Variants in BPIFB3 observed in about 807,000 individuals in gnomAD.
BPIFB3 encodes the protein BPI fold-containing family B member 3.
BPIFB3 carries 49 observed loss-of-function variants against 53.1 expected under a neutral mutation model. The ratio of observed to expected loss-of-function variants is 0.92; its 90% CI spans 0.73 to 1.17. The LOEUF (loss-of-function observed/expected upper bound fraction) is 1.17, where lower values mean the gene tolerates loss of function less well. Ranked by LOEUF, BPIFB3 falls within the 50% of genes most tolerant of loss-of-function variation. The probability of loss-of-function intolerance (pLI) is 0.00; values close to 1 mark genes in which losing one functional copy is unlikely to be tolerated. For synonymous variants in BPIFB3, 271 were observed against 269.6 expected (o/e 1.01, Z -0.05); for missense variants, 628 against 592.5 (o/e 1.06, Z -0.62).
intron 1 of BPIFB3, 132 bp downstream of exon 2, chr20:33,055,679 C>T (rs1254009423): frequency 2.2e-6 from 3 of 1,337,658 alleles, no homozygotes; most frequent in African/African-American, 1.4e-5. Context: ...AGCACATTCT[C>T]CTGGGAGTAG....
chr20:33,073,763 C>T (rs766501975), downstream of BPIFB3: 19 of 787,762 alleles, frequency 2.4e-5, no homozygotes, highest in Non-Finnish European at 3.9e-5. Context: ...AACTGCCTGG[C>T]TAATCATAGA....
Position 33,070,349 on chromosome 20 carries a change from A to G in BPIFB3, c.1217+394A>G, listed in dbSNP as rs1331460001. Reference sequence around the variant, plus strand: ...TGGACTTGTTACTTGTTACTTCTCTATTCTCCTCACCCCTGTGGTAACTAG... The same window carrying G: ...TGGACTTGTTACTTGTTACTTCTCTGTTCTCCTCACCCCTGTGGTAACTAG... On this transcript the variant is annotated intron_variant, in intron 11 of 14. Transcript: ENST00000375494. Among the ~76,000 whole-genome samples, 4 of 152,210 alleles carry G rather than the reference A, an allele frequency of 2.6e-5. No individual in the cohort carries two copies. In the East Asian group the frequency reaches 5.8e-4, roughly 22 times the overall value.
intron 2 of BPIFB3, among the ~76,000 whole-genome samples, chr20:33,059,090 C>G (rs114739062): frequency 2.9e-3 from 438 of 152,216 alleles, no homozygotes; most frequent in African/African-American, 0.01. Flanking sequence ...ATTCCTTGAG[C>G]CTCTAGCGGT....
intron 5 of BPIFB3, among the ~76,000 whole-genome samples, chr20:33,063,365 C>A (rs921605214): frequency 2.0e-5 from 3 of 152,260 alleles, no homozygotes; most frequent in South Asian, 2.1e-4. Context: ...CCCCAGCCAC[C>A]TTTAGGGGTT....
At chr20:33,055,617 C>T in intron 1 of BPIFB3, 70 bp downstream of exon 2, 3 of 1,600,222 alleles carry the variant, frequency 1.9e-6, no homozygotes, top group Non-Finnish European at 2.6e-6. Context: ...ATGCTTAGAG[C>T]ATCTGCTTTA....
At chr20:33,063,886 TTCTC>T (rs1980554255) in intron 6 of BPIFB3, among the ~76,000 whole-genome samples, 1 of 152,174 alleles carries the variant, frequency 6.6e-6, no homozygotes, top group African/African-American at 2.4e-5. Context: ...GAACCATCAG[TTCTC>T]TCTATGTTGG....
intron 6 of BPIFB3, among the ~76,000 whole-genome samples, chr20:33,064,226 G>A (rs1980571061): frequency 6.6e-6 from 1 of 152,178 alleles, no homozygotes. Flanking sequence ...CATCAACTCT[G>A]GAAAACAGGA....
At chr20:33,066,466 G>A (rs1980674810) in intron 8 of BPIFB3, among the ~76,000 whole-genome samples, 1 of 152,216 alleles carries the variant, frequency 6.6e-6, no homozygotes, top group African/African-American at 2.4e-5. Context: ...AGAGTAAAAG[G>A]TTTTGAAGTT....
chr20:33,073,676 C>T (rs1239638748), downstream of BPIFB3: 3 of 1,556,990 alleles, frequency 1.9e-6, no homozygotes, highest in African/African-American at 4.1e-5. Context: ...CTCAATTTCC[C>T]TCCCAGTCTC....
chr20:33,072,036 G>A (rs555429000), intron 12 of BPIFB3, 68 bp from the exon 14 acceptor site: 14 of 1,537,094 alleles, frequency 9.1e-6, no homozygotes, highest in East Asian at 9.0e-5. Context: ...CCCTGGGAAC[G>A]GGATGCTGCT....
At chr20:33,058,349 G>A (rs1343121161) in intron 2 of BPIFB3, among the ~76,000 whole-genome samples, 1 of 152,180 alleles carries the variant, frequency 6.6e-6, no homozygotes, top group Non-Finnish European at 1.5e-5. Context: ...TGGTAGGTGT[G>A]GTCAATGTCC....
chr20:33,055,396 A>G (rs1327159492), upstream of BPIFB3: 3 of 1,611,256 alleles, frequency 1.9e-6, no homozygotes, highest in Non-Finnish European at 2.5e-6. Context: ...GAAGGGTCTC[A>G]GAGTTCCTCC....
intron 10 of BPIFB3, 128 bp downstream of exon 11, chr20:33,069,101 G>A: frequency 9.7e-7 from 1 of 1,033,990 alleles, no homozygotes; most frequent in Non-Finnish European, 1.4e-6. Context: ...AGCACAGGAA[G>A]CCCCCCGCCC....
chr20:33,059,526 AC>A (rs1485360319), intron 3 of BPIFB3, 44 bp downstream of exon 4: 2 of 1,399,330 alleles, frequency 1.4e-6, no homozygotes, highest in Non-Finnish European at 2.0e-6. Flanking sequence ...TTCCTATCCC[AC>A]CCCCTGACCT....
In BPIFB3 at chr20:33,063,619, G is replaced by A. The variant is rs146116881; in HGVS notation, c.596G>A (p.Cys199Tyr). 7 of 1,613,980 alleles carry A rather than the reference G, an allele frequency of 4.3e-6. No homozygotes were observed. In the African/African-American group the frequency reaches 6.7e-5, roughly 15 times the overall value. Residue 199 changes from cysteine to tyrosine, a missense_variant, in exon 6 of 15, where the codon TGC becomes TAC. By Grantham distance (194) the Cys-to-Tyr change is radical. Transcript: ENST00000375494. ...ACATGTGTCTCCCTGACACAGCTGT[G>A]CCCCGTGGTGGACAGTGTGCTGGGT...
chr20:33,056,810 G>C (rs933569691), intron 2 of BPIFB3, 112 bp downstream of exon 3: 2 of 1,330,270 alleles, frequency 1.5e-6, no homozygotes, highest in African/African-American at 3.0e-5. Flanking sequence ...TTGTGTGGGA[G>C]GGTTGTGATC....
In BPIFB3 at chr20:33,066,806, C is replaced by T; in HGVS notation, c.925-18C>T. The T allele has an allele frequency of 3.1e-6, 5 of 1,613,656 alleles. No homozygotes were observed. The highest frequency in any genetic ancestry group is 4.2e-6 in the Non-Finnish European group (5 of 1,179,496). On this transcript the variant is annotated intron_variant, in intron 8 of 14. Coordinates refer to ENST00000375494, the Ensembl canonical transcript of BPIFB3. Reference sequence around the variant, plus strand: ...CTGTCTCTGTGCTCACCAACCCTCTCTCCCATTGGGGGTCCAGGTTCCCAG... The same window carrying T: ...CTGTCTCTGTGCTCACCAACCCTCTTTCCCATTGGGGGTCCAGGTTCCCAG...
intron 11 of BPIFB3, among the ~76,000 whole-genome samples, chr20:33,071,050 A>G (rs1200537784): frequency 6.6e-6 from 1 of 152,122 alleles, no homozygotes; most frequent in African/African-American, 2.4e-5. Flanking sequence ...GGTGGTCATG[A>G]TGCCTCAGAA....
At chr20:33,054,002 C>T (rs1449415814), upstream of BPIFB3, among the ~76,000 whole-genome samples, 1 of 152,104 alleles carries the variant, frequency 6.6e-6, no homozygotes, top group East Asian at 1.9e-4. Flanking sequence ...CTTGTCCTGA[C>T]GCCCAGCCGT....
Sources: allele counts gnomAD v4.1 joint callset (sites outside exome capture counted in the v4.1 genomes callset), GRCh38; gene constraint gnomAD v4.1.1; transcripts MANE v1.5; gene names NCBI Gene and HGNC (gene_info 2026-07-23, HGNC 2026-07-21).